MYO18A: variants seen among roughly 807,000 people sequenced by gnomAD.
The protein encoded by MYO18A is myosin XVIIIA.
MYO18A carries 78 observed loss-of-function variants against 235.8 expected under a neutral mutation model. That is an observed-to-expected ratio of 0.33 (90% CI 0.28 to 0.40). The LOEUF is 0.40. Among genes scored for constraint, MYO18A ranks in the 10% least tolerant of loss-of-function variants. The probability of loss-of-function intolerance (pLI) is 1.00; values close to 1 mark genes in which losing one functional copy is unlikely to be tolerated. For missense variants in MYO18A, 2,215 were observed against 2,699.3 expected (o/e 0.82, Z 3.98); for synonymous variants, 977 against 1,077.8 (o/e 0.91, Z 1.83).
At chr17:29,167,939 TCTC>T (rs2068319185) in intron 1 of MYO18A, among the ~76,000 whole-genome samples, 1 of 152,142 alleles carries the variant, frequency 6.6e-6, no homozygotes, top group Admixed American at 6.5e-5. Flanking sequence ...ACATGCACTA[TCTC>T]CTCTGAACCT....
At chr17:29,159,681 AT>A (rs754572289) in intron 2 of MYO18A, among the ~76,000 whole-genome samples, 1 of 152,160 alleles carries the variant, frequency 6.6e-6, no homozygotes, top group Non-Finnish European at 1.5e-5. Context: ...AGGCAAGACC[AT>A]TTTGAGTCTT....
At chr17:29,133,307 G>T (rs1240330414) in intron 2 of MYO18A, among the ~76,000 whole-genome samples, 1 of 152,214 alleles carries the variant, frequency 6.6e-6, no homozygotes, top group Non-Finnish European at 1.5e-5. Context: ...CTATGCACAC[G>T]CATAAAGGCA....
intron 2 of MYO18A, chr17:29,124,836 GC>G: frequency 1.9e-6 from 1 of 521,950 alleles, no homozygotes; most frequent in Non-Finnish European, 2.9e-6. Flanking sequence ...GGAGCTTGGT[GC>G]CAGGACCTGG....
chr17:29,109,760 A>G lies in MYO18A; in HGVS notation c.3331+98T>C. On this transcript the variant is annotated intron_variant, in intron 19 of 41. Transcript: ENST00000527372. The surrounding 1 kb of genome is among the most constrained non-coding windows in gnomAD (Gnocchi z 4.1). ...AAGGATCGTGAGGAAAGACAGGAGC[A>G]GCCCCACTGCAGCCCACGGGTCGCA... is the stretch of plus-strand genomic sequence containing the variant. 4 of 1,411,830 alleles carry G rather than the reference A, an allele frequency of 2.8e-6. No individual in the cohort carries two copies. Among genetic ancestry groups the G allele is most frequent in the Admixed American group, 4.2e-5 (2 of 47,490 alleles). 87.5% of individuals were successfully genotyped at this position (1,411,830 alleles called of 1,614,324 possible).
intron 11 of MYO18A, 106 bp from the exon 12 acceptor site, chr17:29,115,946 G>T: frequency 7.7e-7 from 1 of 1,300,264 alleles, no homozygotes; most frequent in Non-Finnish European, 1.1e-6. Flanking sequence ...GCAAAAGCCA[G>T]CCCTGATGAC....
At chr17:29,094,250 C>T (rs1158275469) in intron 30 of MYO18A, 160 bp from the exon 31 acceptor site, 2 of 625,128 alleles carry the variant, frequency 3.2e-6, no homozygotes, top group Non-Finnish European at 5.7e-6. Context: ...TCCAGAGCAG[C>T]TGAACTCCCT....
In MYO18A at chr17:29,166,739, T is replaced by A. The variant is rs781135482; in HGVS notation, c.202A>T (p.Ile68Phe). ...AGGTCAGAGCCGCTGGCCACCTTGA[T>A]GGGGATGGGGTTGGAGATTTCCAGG... The part of the protein sequence containing the change: ...TRLEISNPIP[I>F]KVASGSDLHL... The change falls in exon 2 of 42, where the codon ATC (isoleucine) becomes TTC (phenylalanine). Residue 68 changes from isoleucine to phenylalanine, a missense_variant. By Grantham distance (21) the Ile-to-Phe change is conservative. Transcript: ENST00000527372. 2 of 1,613,788 alleles carry A rather than the reference T, an allele frequency of 1.2e-6. No individual in the cohort carries two copies. Among genetic ancestry groups the A allele is most frequent in the East Asian group, 4.5e-5 (2 of 44,870 alleles).
chr17:29,088,622 G>A (rs2066317996), intron 37 of MYO18A, among the ~76,000 whole-genome samples: 1 of 152,174 alleles, frequency 6.6e-6, no homozygotes, highest in Non-Finnish European at 1.5e-5. Context: ...TAAACTCAAG[G>A]AGAACTTAAA....
chr17:29,086,826 CAT>C, intron 38 of MYO18A, 108 bp downstream of exon 38: 1 of 1,310,582 alleles, frequency 7.6e-7, no homozygotes, highest in Non-Finnish European at 1.0e-6. Flanking sequence ...TTCTCTGACT[CAT>C]GTGCAGTTTC....
chr17:29,113,372 C>T (rs1447929516), intron 15 of MYO18A, among the ~76,000 whole-genome samples: 1 of 152,202 alleles, frequency 6.6e-6, no homozygotes, highest in African/African-American at 2.4e-5. Context: ...CGGACAATCG[C>T]CAAATGCCAA....
At position 29,135,957 on chromosome 17, in the gene MYO18A, G is replaced by C. The variant is rs1249004713; in HGVS notation, c.1000-13704C>G. Among the ~76,000 whole-genome samples the C allele has an allele frequency of 2.6e-5, 4 of 152,340 alleles. No homozygotes were observed. The East Asian group carries it at 7.7e-4, about 29-fold the overall frequency. ...CAAAACATCTCATGGACCGGGCGTG[G>C]TGGCTCACGCCTGTAATCCCAGAAC... On this transcript the variant is annotated intron_variant, in intron 2 of 41. Coordinates refer to ENST00000527372, the MANE Select transcript of MYO18A (RefSeq NM_078471.4).
At position 29,072,335 on chromosome 17, in the gene MYO18A, C is replaced by A. The variant is rs1267676404; in HGVS notation, c.*2435G>T. On this transcript the variant is annotated 3_prime_UTR_variant, in exon 42 of 42. Coordinates refer to ENST00000527372, the MANE Select transcript of MYO18A (RefSeq NM_078471.4). ...AGGTCAGAAGTTCGAGACCAGCCTGCTCAACATGGCGAAACCCCGTCTCTA... is the reference window on the plus strand; with the variant it reads ...AGGTCAGAAGTTCGAGACCAGCCTGATCAACATGGCGAAACCCCGTCTCTA... 1 of 151,182 alleles carries A rather than the reference C, an allele frequency of 6.6e-6. No individual in the cohort carries two copies. The highest frequency in any genetic ancestry group is 1.5e-5 in the Non-Finnish European group (1 of 67,910). The allele number at this position is 151,182 out of a possible 1,614,324, so 9.4% of individuals were successfully genotyped here.
intron 2 of MYO18A, among the ~76,000 whole-genome samples, chr17:29,130,457 C>A (rs911393340): frequency 6.7e-6 from 1 of 149,008 alleles, no homozygotes; most frequent in African/African-American, 2.5e-5. Flanking sequence ...AAATTCTGGG[C>A]AACTCTGAGG....
intron 20 of MYO18A, among the ~76,000 whole-genome samples, chr17:29,105,850 T>G (rs1032782087): frequency 6.6e-6 from 1 of 151,760 alleles, no homozygotes; most frequent in Non-Finnish European, 1.5e-5. Context: ...TCCACAAAGT[T>G]GTATAATTTT....
intron 1 of MYO18A, among the ~76,000 whole-genome samples, chr17:29,174,249 T>C (rs2068471370): frequency 6.6e-6 from 1 of 152,236 alleles, no homozygotes; most frequent in South Asian, 2.1e-4. Flanking sequence ...CTCAGGCCTC[T>C]AATTCCAGCA....
Position 29,107,106 on chromosome 17 carries a change from T to C in MYO18A, c.3415A>G (p.Asn1139Asp). The change falls in exon 20 of 42, where the codon AAC becomes GAC. Residue 1139 changes from asparagine (N) to aspartate (D), a missense_variant. Transcript: ENST00000527372. The part of the protein sequence containing the change: ...APHLTKKHGR[N>D]YIVVDERRAV... ...CGCCTTTCATCCACCACGATGTAGT[T>C]ACGCCCGTGTTTCTTGGTCAGGTGC... The C allele has an allele frequency of 6.2e-7, 1 of 1,613,990 alleles. No individual in the cohort carries two copies. The highest frequency in any genetic ancestry group is 1.1e-5 in the South Asian group (1 of 91,082).
intron 1 of MYO18A, among the ~76,000 whole-genome samples, chr17:29,171,294 G>A (rs141874659): frequency 2.9e-4 from 44 of 152,114 alleles, no homozygotes; most frequent in African/African-American, 8.9e-4. Flanking sequence ...AAAATTAGCC[G>A]GGCGTGGCAG....
intron 19 of MYO18A, among the ~76,000 whole-genome samples, chr17:29,107,874 C>T (rs950688879): frequency 6.6e-6 from 1 of 150,446 alleles, no homozygotes; most frequent in Non-Finnish European, 1.5e-5. Flanking sequence ...CAAGATCACA[C>T]CACTGCACTC....
At chr17:29,105,275 C>A (rs1378572189) in intron 20 of MYO18A, among the ~76,000 whole-genome samples, 1 of 151,104 alleles carries the variant, frequency 6.6e-6, no homozygotes, top group Admixed American at 6.6e-5. Context: ...GGGAGAGGGA[C>A]CAGGCAGCCA....
Sources: allele counts gnomAD v4.1 joint callset (sites outside exome capture counted in the v4.1 genomes callset), GRCh38; gene constraint gnomAD v4.1.1; non-coding constraint Gnocchi (gnomAD v3.1); transcripts MANE v1.5; gene names NCBI Gene and HGNC (gene_info 2026-07-23, HGNC 2026-07-21).